CHST8: variants seen among roughly 807,000 people sequenced by gnomAD.
The protein encoded by CHST8 is GALNAC-4-ST1.
CHST8 carries 10 observed loss-of-function variants against 15.0 expected under a neutral mutation model. The ratio of observed to expected loss-of-function variants is 0.67; its 90% CI spans 0.41 to 1.13. The LOEUF is 1.13. CHST8 is among the 50% of genes most tolerant of loss of function. CHST8 has a pLI of 0.00. For synonymous variants in CHST8, 259 were observed against 256.6 expected, an observed-to-expected ratio of 1.01 and a Z score of -0.09; for missense variants, 634 against 608.2, an observed-to-expected ratio of 1.04 and a Z score of -0.45.
rs114973522 is a variant in CHST8 at position 33,729,773 on chromosome 19, C to A, written c.130+40382C>A. Among the ~76,000 whole-genome samples the A allele has an allele frequency of 8.3e-3, 1,265 of 152,204 alleles. 23 individuals are homozygous for A. The highest frequency in any genetic ancestry group is 0.028 in the African/African-American group (1,163 of 41,518). ...ATCCAGCTCCCCAAGGAGTTTGGGCCTGGGGTTTTTAAGGGTTTTGGAGTG... is the reference window on the plus strand; with the variant it reads ...ATCCAGCTCCCCAAGGAGTTTGGGCATGGGGTTTTTAAGGGTTTTGGAGTG... On this transcript the variant is annotated intron_variant, in intron 3 of 4. Coordinates refer to ENST00000650847, the MANE Select transcript of CHST8 (RefSeq NM_001127895.2).
intron 3 of CHST8, among the ~76,000 whole-genome samples, chr19:33,713,354 G>A (rs1973597258): frequency 6.6e-6 from 1 of 152,088 alleles, no homozygotes; most frequent in South Asian, 2.1e-4. Context: ...ATGCAATGGT[G>A]CCCTCCCAGG....
intron 3 of CHST8, among the ~76,000 whole-genome samples, chr19:33,770,771 GAGACCAGGGCGAGCA>G (rs557980134): frequency 2.5e-4 from 38 of 152,282 alleles, no homozygotes; most frequent in African/African-American, 7.9e-4. Context: ...GGCTTTGGGG[GAGACCAGGGCGAGCA>G]AGATATGCTT....
At chr19:33,700,430 C>T (rs577161356) in intron 3 of CHST8, among the ~76,000 whole-genome samples, 9 of 152,318 alleles carry the variant, frequency 5.9e-5, no homozygotes, top group South Asian at 2.1e-4. Flanking sequence ...GAACAGCGCC[C>T]AAGGCTGGCA....
At chr19:33,634,521 T>G (rs2145439571) in intron 1 of CHST8, among the ~76,000 whole-genome samples, 1 of 152,178 alleles carries the variant, frequency 6.6e-6, no homozygotes, top group South Asian at 2.1e-4. Context: ...AGAGTTTCTC[T>G]GGATGAGTCT....
intron 2 of CHST8, among the ~76,000 whole-genome samples, chr19:33,675,771 TAGGA>T (rs1490543494): frequency 1.3e-5 from 2 of 152,246 alleles, no homozygotes; most frequent in African/African-American, 4.8e-5. Flanking sequence ...CACAGAGCTG[TAGGA>T]ACCAGCTTCT....
chr19:33,765,513 T>TTG (rs61673440), intron 3 of CHST8, among the ~76,000 whole-genome samples: 9,957 of 130,958 alleles, frequency 0.076, 479 homozygotes, highest in East Asian at 0.093. Flanking sequence ...ATGCCAGTCT[T>TTG]TGTGTGTGTG....
intron 3 of CHST8, among the ~76,000 whole-genome samples, chr19:33,761,847 G>A (rs1974735767): frequency 6.6e-6 from 1 of 151,830 alleles, no homozygotes; most frequent in Admixed American, 6.6e-5. Context: ...AAGAAAGGAA[G>A]GAAGGAAGTG....
At chr19:33,708,987 G>A (rs1359403437) in intron 3 of CHST8, among the ~76,000 whole-genome samples, 3 of 152,066 alleles carry the variant, frequency 2.0e-5, no homozygotes, top group East Asian at 1.9e-4. Context: ...TCTTTTTGAT[G>A]CTACAGTGAA....
intron 3 of CHST8, among the ~76,000 whole-genome samples, chr19:33,698,501 T>C (rs1350307507): frequency 2.6e-5 from 4 of 151,160 alleles, no homozygotes; most frequent in Non-Finnish European, 2.9e-5. Context: ...TGCAAGGAGA[T>C]TGGGGGCAGC....
At chr19:33,697,670 G>A (rs1022595236) in intron 3 of CHST8, among the ~76,000 whole-genome samples, 2 of 152,218 alleles carry the variant, frequency 1.3e-5, no homozygotes, top group African/African-American at 4.8e-5. Context: ...TGGCCTGGGC[G>A]GCTGCCTGTG....
chr19:33,727,885 T>C (rs900868669), intron 3 of CHST8, among the ~76,000 whole-genome samples: 11 of 152,354 alleles, frequency 7.2e-5, no homozygotes, highest in Middle Eastern at 3.4e-3. Flanking sequence ...CACTGACTGC[T>C]GGGCCCTTCA....
intron 2 of CHST8, among the ~76,000 whole-genome samples, chr19:33,670,859 A>G (rs1972728045): frequency 6.6e-6 from 1 of 152,020 alleles, no homozygotes; most frequent in Non-Finnish European, 1.5e-5. Flanking sequence ...CTTATTGCCC[A>G]TTTTGTCCTC....
intron 3 of CHST8, among the ~76,000 whole-genome samples, chr19:33,709,000 G>A (rs892995504): frequency 1.3e-4 from 20 of 152,056 alleles, no homozygotes; most frequent in African/African-American, 4.8e-4. Flanking sequence ...ACAGTGAATG[G>A]AATTGTTTTT....
chr19:33,720,903 C>T (rs546746690), intron 3 of CHST8, among the ~76,000 whole-genome samples: 1 of 152,368 alleles, frequency 6.6e-6, no homozygotes, highest in East Asian at 1.9e-4. Context: ...AGAGTGGCCA[C>T]CAGCACTGGC....
At chr19:33,622,488 G>C (rs181996892) in intron 1 of CHST8, among the ~76,000 whole-genome samples, 192 bp downstream of exon 1, 1 of 152,322 alleles carries the variant, frequency 6.6e-6, no homozygotes, top group South Asian at 2.1e-4. Context: ...TGCACTTTGG[G>C]GACCGGCCCC....
chr19:33,751,197 G>A (rs893136036), intron 3 of CHST8, among the ~76,000 whole-genome samples: 37 of 152,278 alleles, frequency 2.4e-4, no homozygotes, highest in Middle Eastern at 6.8e-3. Context: ...CCGCACCCTC[G>A]CTTGGCCCGG....
chr19:33,758,190 T>G (rs560360684), intron 3 of CHST8, among the ~76,000 whole-genome samples: 5 of 141,558 alleles, frequency 3.5e-5, no homozygotes, highest in South Asian at 2.2e-4. Context: ...CGGTGTTCCC[T>G]GAGATGCCAG....
rs78448308 is a variant in CHST8, at chr19:33,645,323, G to A, written c.-163-22444G>A. ...TTACTCTGTGTGCGTGGGGAGCAAT[G>A]GCAGGGTTTTGAACAGAGAAGTGCA... On this transcript the variant is annotated intron_variant, in intron 1 of 4. Transcript: ENST00000650847. Among the ~76,000 whole-genome samples, 72 of 152,306 alleles carry A rather than the reference G, an allele frequency of 4.7e-4. 1 individual carries two copies. In the East Asian group the frequency reaches 0.012, roughly 26 times the overall value.
intron 3 of CHST8, among the ~76,000 whole-genome samples, chr19:33,743,581 G>A (rs915010986): frequency 4.6e-5 from 7 of 151,586 alleles, no homozygotes; most frequent in South Asian, 2.1e-4. Flanking sequence ...GATTACAGGC[G>A]TGAGCCACTG....
Sources: gnomAD v4.1 joint callset for allele counts (sites outside exome capture counted in the v4.1 genomes callset) on GRCh38, gnomAD v4.1.1 for gene constraint, MANE v1.5 for transcripts, NCBI Gene and HGNC (gene_info 2026-07-23, HGNC 2026-07-21) for gene names.